GFRA2: variants seen among roughly 807,000 people sequenced by gnomAD.
GFRA2 encodes the protein GDNF family receptor alpha-2.
GFRA2 carries 17 observed loss-of-function variants against 48.3 expected under a neutral mutation model. The observed-to-expected ratio is 0.35, with a 90% CI of 0.24 to 0.53. The LOEUF (loss-of-function observed/expected upper bound fraction) is 0.53. GFRA2 is among the 20% of genes least tolerant of loss of function. The pLI is 0.93. For synonymous variants in GFRA2, 305 were observed against 257.2 expected (o/e 1.19, Z -1.78); for missense variants, 660 against 637.3 (o/e 1.04, Z -0.38).
intron 4 of GFRA2, among the ~76,000 whole-genome samples, chr8:21,733,550 C>T (rs772876802): frequency 6.6e-6 from 1 of 152,186 alleles, no homozygotes; most frequent in East Asian, 1.9e-4. Flanking sequence ...AAAGCCCCAG[C>T]CCTTCCCGCA....
At chr8:21,774,258 G>A (rs373710642) in intron 3 of GFRA2, among the ~76,000 whole-genome samples, 64 of 151,676 alleles carry the variant, frequency 4.2e-4, no homozygotes, top group African/African-American at 1.5e-3. Flanking sequence ...GAACAAAGCC[G>A]AGAAGAAAGA....
chr8:21,782,119 G>A (rs1021655948), intron 2 of GFRA2, among the ~76,000 whole-genome samples: 6 of 152,146 alleles, frequency 3.9e-5, no homozygotes, highest in Admixed American at 3.3e-4. Context: ...CCGTGGCAGC[G>A]GAAGTGGCTG....
chr8:21,745,550 C>A (rs969147221), intron 4 of GFRA2, among the ~76,000 whole-genome samples: 1 of 152,228 alleles, frequency 6.6e-6, no homozygotes, highest in Non-Finnish European at 1.5e-5. Context: ...TGGGCTCTCC[C>A]ATTTTCAGAA....
chr8:21,783,287 T>C (rs1807105078), intron 1 of GFRA2: 1 of 393,166 alleles, frequency 2.5e-6, no homozygotes, highest in Non-Finnish European at 4.9e-6. Flanking sequence ...GTGGGGAACA[T>C]CTCACTTGCA....
chr8:21,696,400 C>A (rs569278890), intron 7 of GFRA2, among the ~76,000 whole-genome samples: 114 of 151,494 alleles, frequency 7.5e-4, no homozygotes, highest in Non-Finnish European at 1.4e-3. Flanking sequence ...ATTGGAGGTA[C>A]GCATAAAATT....
At chr8:21,724,447 T>C (rs879385012) in intron 4 of GFRA2, among the ~76,000 whole-genome samples, 1 of 152,166 alleles carries the variant, frequency 6.6e-6, no homozygotes, top group Non-Finnish European at 1.5e-5. Context: ...AGTCGACCAG[T>C]GGCATAGCTA....
At position 21,693,403 on chromosome 8, in the gene GFRA2, G is replaced by T. The variant is rs369567372; in HGVS notation, c.1273-3C>A. Reference sequence around the variant, plus strand: ...CCTGGGATGATATTTGTCGTGAGCTGAGTCCGCAGCAGGAGAAGAATCAGG... The same window carrying T: ...CCTGGGATGATATTTGTCGTGAGCTTAGTCCGCAGCAGGAGAAGAATCAGG... On this transcript the variant is annotated splice_polypyrimidine_tract_variant and splice_region_variant and intron_variant, in intron 8 of 8. Transcript: ENST00000524240. 225 of 1,606,008 alleles carry T rather than the reference G, an allele frequency of 1.4e-4. No homozygotes were observed. Among genetic ancestry groups the T allele is most frequent in the Non-Finnish European group, 1.8e-4 (217 of 1,175,414 alleles).
At position 21,702,991 on chromosome 8, in the gene GFRA2, G is replaced by A. The variant is rs1802560868; in HGVS notation, c.1046-14C>T. 1 of 1,489,778 alleles carries A rather than the reference G, an allele frequency of 6.7e-7. No homozygotes were observed. The allele number at this position is 1,489,778 out of a possible 1,614,324, so 92.3% of individuals were successfully genotyped here. ...GGATGGCGTTCCCTGGGATGGGGGT[G>A]AGGGCAGATGCAGAGAAGTCAGAAC... is the stretch of plus-strand genomic sequence containing the variant. On this transcript the variant is annotated splice_polypyrimidine_tract_variant and intron_variant, in intron 6 of 8. Transcript: ENST00000524240.
chr8:21,798,428 T>G (rs1290724375), intron 2 of GFRA2, among the ~76,000 whole-genome samples: 1 of 151,732 alleles, frequency 6.6e-6, no homozygotes, highest in Admixed American at 6.6e-5. Flanking sequence ...AGTGCTCTCC[T>G]CATCTCTGCT....
intron 4 of GFRA2, among the ~76,000 whole-genome samples, chr8:21,744,550 AACACACACAC>A (rs71721911): frequency 2.1e-5 from 3 of 140,140 alleles, no homozygotes; most frequent in Non-Finnish European, 3.0e-5. Context: ...AACCACCACC[AACACACACAC>A]ACACACACAC....
intron 1 of GFRA2, among the ~76,000 whole-genome samples, chr8:21,810,419 C>T (rs1807956553): frequency 6.6e-6 from 1 of 152,250 alleles, no homozygotes; most frequent in Non-Finnish European, 1.5e-5. Context: ...CCCTCCTGGA[C>T]AGAGTCCTTC....
At chr8:21,705,269 G>C (rs369018442) in intron 5 of GFRA2, 144 bp from the exon 6 acceptor site, 15 of 748,588 alleles carry the variant, frequency 2.0e-5, no homozygotes, top group Admixed American at 2.9e-5. Context: ...CATCCCAATC[G>C]CACTCCTAAC....
chr8:21,736,494 G>A (rs530702907), intron 4 of GFRA2, among the ~76,000 whole-genome samples: 2 of 151,978 alleles, frequency 1.3e-5, no homozygotes, highest in Admixed American at 6.5e-5. Context: ...TGTCTTGTCC[G>A]ATTTTTTTTT....
chr8:21,693,707 C>T (rs1363464786), intron 8 of GFRA2, among the ~76,000 whole-genome samples: 1 of 22,124 alleles, frequency 4.5e-5, no homozygotes, highest in South Asian at 1.5e-3. Flanking sequence ...TGAGGACCTG[C>T]GTCCCAGTGA....
rs1807380290 is a variant in GFRA2, at chr8:21,788,167, A to G, written c.-8T>C. On this transcript the variant is annotated 5_prime_UTR_variant, in exon 1 of 9. Coordinates refer to ENST00000524240, the MANE Select transcript of GFRA2 (RefSeq NM_001495.5). ...GACGTTTGCCAAGATCATGTTAAAT[A>G]AATCCCACCGTTTTTTTGTCTTTCT... is the stretch of plus-strand genomic sequence containing the variant. The G allele has an allele frequency of 1.9e-6, 3 of 1,603,000 alleles. No homozygotes were observed. Among genetic ancestry groups the G allele is most frequent in the Non-Finnish European group, 2.6e-6 (3 of 1,174,992 alleles).
chr8:21,811,272 C>T (rs989499177), intron 1 of GFRA2, among the ~76,000 whole-genome samples: 1 of 152,154 alleles, frequency 6.6e-6, no homozygotes, highest in African/African-American at 2.4e-5. Context: ...ATCCTCACAG[C>T]GGGTCTTTGC....
chr8:21,703,830 T>C (rs986429384), intron 6 of GFRA2, among the ~76,000 whole-genome samples: 2 of 152,206 alleles, frequency 1.3e-5, no homozygotes, highest in African/African-American at 4.8e-5. Context: ...GAGCAGCTAC[T>C]ATGGCCTTCT....
intron 2 of GFRA2, among the ~76,000 whole-genome samples, chr8:21,799,074 G>T (rs1376725623): frequency 2.6e-5 from 4 of 152,084 alleles, no homozygotes; most frequent in African/African-American, 9.7e-5. Context: ...CTTAGCACAG[G>T]GTCTGAGGCC....
intron 4 of GFRA2, among the ~76,000 whole-genome samples, chr8:21,749,107 G>T (rs1379619633): frequency 6.6e-6 from 1 of 152,068 alleles, no homozygotes; most frequent in East Asian, 1.9e-4. Flanking sequence ...TATTCTCAGG[G>T]CTTAGGACCA....
Sources: allele counts gnomAD v4.1 joint callset (sites outside exome capture counted in the v4.1 genomes callset), GRCh38; gene constraint gnomAD v4.1.1; transcripts MANE v1.5; gene names NCBI Gene and HGNC (gene_info 2026-07-23, HGNC 2026-07-21).